Variants in RPH3A observed in about 807,000 individuals in gnomAD.
RPH3A encodes rabphilin-3A.
A neutral mutation model predicts 102.2 loss-of-function variants in RPH3A; 48 were observed. The observed-to-expected ratio is 0.47, with a 90% CI of 0.37 to 0.60. The LOEUF (loss-of-function observed/expected upper bound fraction) is 0.60. Among genes scored for constraint, RPH3A ranks in the 20% least tolerant of loss-of-function variants. RPH3A has a pLI of 0.00. For synonymous variants in RPH3A, 310 were observed against 324.3 expected (o/e 0.96, Z 0.47); for missense variants, 781 against 910.1 (o/e 0.86, Z 1.83).
At chr12:112,673,752 T>A (rs2040151977) in intron 1 of RPH3A, among the ~76,000 whole-genome samples, 1 of 152,164 alleles carries the variant, frequency 6.6e-6, no homozygotes, top group Non-Finnish European at 1.5e-5. Flanking sequence ...CACCCTCTTG[T>A]GCTATCAAAT....
intron 1 of RPH3A, among the ~76,000 whole-genome samples, chr12:112,775,176 C>T (rs1343396302): frequency 6.6e-6 from 1 of 151,840 alleles, no homozygotes; most frequent in Non-Finnish European, 1.5e-5. Flanking sequence ...ACCTATGTAA[C>T]AAAGCTGTAC....
rs192870504 is a variant in RPH3A, at chr12:112,612,784, C to T, written c.-140+37465C>T. Among the ~76,000 whole-genome samples, 14 of 151,894 alleles carry T rather than the reference C, an allele frequency of 9.2e-5. No individual in the cohort carries two copies. In the East Asian group the frequency reaches 2.7e-3, roughly 29 times the overall value. On this transcript the variant is annotated intron_variant, in intron 1 of 21. Transcript: ENST00000543106. ...GAGACTGGAGTTTCATCAGATTGCC[C>T]AAGCTGGTTTTGAACTCCTGGGCTC...
chr12:112,856,987 C>T (rs2042421868), intron 5 of RPH3A, among the ~76,000 whole-genome samples: 1 of 152,006 alleles, frequency 6.6e-6, no homozygotes, highest in African/African-American at 2.4e-5. Flanking sequence ...GAATTGGCAC[C>T]CCAACCCCTG....
At chr12:112,677,277 A>G (rs927088708) in intron 1 of RPH3A, among the ~76,000 whole-genome samples, 18 of 152,096 alleles carry the variant, frequency 1.2e-4, no homozygotes, top group African/African-American at 4.3e-4. Context: ...GTACCATGGG[A>G]CCCAGTGTCA....
intron 2 of RPH3A, among the ~76,000 whole-genome samples, chr12:112,822,486 G>A (rs1377353979): frequency 6.6e-6 from 1 of 152,162 alleles, no homozygotes; most frequent in Admixed American, 6.5e-5. Flanking sequence ...TTGGGGGATG[G>A]AACCACTGTT....
chr12:112,671,889 A>G (rs987785306), intron 1 of RPH3A, among the ~76,000 whole-genome samples: 1 of 151,754 alleles, frequency 6.6e-6, no homozygotes, highest in African/African-American at 2.4e-5. Flanking sequence ...ACACACACAC[A>G]CACCCCAATA....
At chr12:112,738,428 A>T (rs980015953) in intron 1 of RPH3A, among the ~76,000 whole-genome samples, 1 of 152,098 alleles carries the variant, frequency 6.6e-6, no homozygotes, top group African/African-American at 2.4e-5. Flanking sequence ...AACTAATGAC[A>T]TCTGCAGATA....
At chr12:112,736,436 G>A (rs1233500241) in intron 1 of RPH3A, among the ~76,000 whole-genome samples, 1 of 152,212 alleles carries the variant, frequency 6.6e-6, no homozygotes, top group Non-Finnish European at 1.5e-5. Context: ...AGCTCCTTCA[G>A]GCTGGGACTT....
chr12:112,722,413 T>C (rs943203821), intron 1 of RPH3A, among the ~76,000 whole-genome samples: 2 of 152,226 alleles, frequency 1.3e-5, no homozygotes, highest in Non-Finnish European at 2.9e-5. Context: ...ATGTAAAAGA[T>C]ATGATTTCAT....
At chr12:112,858,324 G>C (rs541171289) in intron 5 of RPH3A, among the ~76,000 whole-genome samples, 1 of 149,544 alleles carries the variant, frequency 6.7e-6, no homozygotes, top group East Asian at 1.9e-4. Flanking sequence ...AAAAAAAGGC[G>C]GGCGGGGGTG....
intron 1 of RPH3A, among the ~76,000 whole-genome samples, chr12:112,723,803 T>C (rs1349766424): frequency 6.6e-6 from 1 of 152,240 alleles, no homozygotes; most frequent in East Asian, 1.9e-4. Context: ...ACAAAATTAT[T>C]ACAGTAGTAC....
At chr12:112,853,373 G>A (rs1420590681) in intron 5 of RPH3A, among the ~76,000 whole-genome samples, 1 of 152,164 alleles carries the variant, frequency 6.6e-6, no homozygotes, top group Non-Finnish European at 1.5e-5. Context: ...GTGTCTATGT[G>A]CATTTTTTTC....
chr12:112,896,967 G>A lies in RPH3A; in HGVS notation c.*187G>A. ...AAGACTCCCTCCTCCCTGATGCTGG[G>A]ATGTGGGCTCTGAATACAGCCCCTC... On this transcript the variant is annotated 3_prime_UTR_variant, in exon 22 of 22. Coordinates refer to ENST00000389385, the MANE Select transcript of RPH3A (RefSeq NM_001143854.2). The A allele has an allele frequency of 1.7e-6, 1 of 600,836 alleles. No individual in the cohort carries two copies. Among genetic ancestry groups the A allele is most frequent in the South Asian group, 2.1e-5 (1 of 48,320 alleles). The allele number at this position is 600,836 out of a possible 1,614,324, so 37.2% of individuals were successfully genotyped here.
intron 2 of RPH3A, among the ~76,000 whole-genome samples, chr12:112,821,797 TTTTGTC>T (rs1287604063): frequency 2.0e-5 from 3 of 152,190 alleles, no homozygotes; most frequent in Admixed American, 6.5e-5. Context: ...GGACAATAAT[TTTTGTC>T]TTTGTTTGTT....
chr12:112,610,284 C>T (rs1675545620), intron 1 of RPH3A, among the ~76,000 whole-genome samples: 1 of 152,138 alleles, frequency 6.6e-6, no homozygotes, highest in African/African-American at 2.4e-5. Context: ...AGGCAGATCA[C>T]CTGAGGTTGG....
chr12:112,867,708 G>A (rs775178949), intron 7 of RPH3A, among the ~76,000 whole-genome samples: 1 of 152,198 alleles, frequency 6.6e-6, no homozygotes, highest in Non-Finnish European at 1.5e-5. Context: ...CTAGCAGTGG[G>A]TTGGGGGGAG....
intron 1 of RPH3A, among the ~76,000 whole-genome samples, chr12:112,730,271 G>GCACT (rs1425850664): frequency 6.6e-6 from 1 of 152,256 alleles, no homozygotes; most frequent in African/African-American, 2.4e-5. Flanking sequence ...GCAGACCAAT[G>GCACT]CACTGGTTGA....
At chr12:112,851,726 G>A (rs2042326203) in intron 5 of RPH3A, among the ~76,000 whole-genome samples, 1 of 152,178 alleles carries the variant, frequency 6.6e-6, no homozygotes, top group South Asian at 2.1e-4. Context: ...ACCCAGCTCT[G>A]TTCTCTTCAG....
At chr12:112,736,803 G>T (rs2040672625) in intron 1 of RPH3A, among the ~76,000 whole-genome samples, 1 of 152,170 alleles carries the variant, frequency 6.6e-6, no homozygotes, top group African/African-American at 2.4e-5. Context: ...TGGATAGGTG[G>T]ACATAGTGGG....
Sources: allele counts gnomAD v4.1 joint callset (sites outside exome capture counted in the v4.1 genomes callset), GRCh38; gene constraint gnomAD v4.1.1; transcripts MANE v1.5; gene names NCBI Gene and HGNC (gene_info 2026-07-23, HGNC 2026-07-21).